PRKCQ: variants seen among roughly 807,000 people sequenced by gnomAD.
PRKCQ encodes the protein protein kinase C theta type.
Under a neutral mutation model 91.2 loss-of-function variants are expected in PRKCQ, and 41 were observed. The observed-to-expected ratio is 0.45, with a 90% CI of 0.35 to 0.58. PRKCQ has a LOEUF of 0.58. Among genes scored for constraint, PRKCQ ranks in the 20% least tolerant of loss-of-function variants. The pLI is 0.00. For missense variants in PRKCQ, 673 were observed against 896.5 expected (o/e 0.75, Z 3.18); for synonymous variants, 307 against 316.9 (o/e 0.97, Z 0.33).
chr10:6,462,979 T>C (rs1324136435), intron 13 of PRKCQ, among the ~76,000 whole-genome samples: 1 of 146,988 alleles, frequency 6.8e-6, no homozygotes, highest in Non-Finnish European at 1.5e-5. Flanking sequence ...CACTCCAGCA[T>C]GGACGACAGA....
chr10:6,450,581 C>T (rs2132288733), intron 15 of PRKCQ, among the ~76,000 whole-genome samples: 1 of 152,292 alleles, frequency 6.6e-6, no homozygotes, highest in South Asian at 2.1e-4. Context: ...CCAAGCAGAC[C>T]TAATAGACAT....
At chr10:6,419,585 G>A in the PRKCQ span, among the ~76,000 whole-genome samples, 2 of 151,898 alleles carry the variant, frequency 1.3e-5, no homozygotes, top group Non-Finnish European at 2.9e-5. Context: ...TGCATTTCTG[G>A]ACAAAGTATT....
At chr10:6,484,130 T>C (rs1325835822) in intron 10 of PRKCQ, among the ~76,000 whole-genome samples, 2 of 152,214 alleles carry the variant, frequency 1.3e-5, no homozygotes, top group Non-Finnish European at 2.9e-5. Context: ...GCTGCCTACG[T>C]TGGCCGGGTA....
At chr10:6,490,017 C>T (rs1373136702) in intron 8 of PRKCQ, among the ~76,000 whole-genome samples, 1 of 151,994 alleles carries the variant, frequency 6.6e-6, no homozygotes, top group African/African-American at 2.4e-5. Flanking sequence ...CTGTGGATAC[C>T]GTCAGGATGC....
At chr10:6,558,499 G>A (rs1245265386) in intron 1 of PRKCQ, among the ~76,000 whole-genome samples, 2 of 152,162 alleles carry the variant, frequency 1.3e-5, no homozygotes. Flanking sequence ...CAGATAAAAT[G>A]CAACCAGAAA....
chr10:6,542,603 G>C (rs1358592460), intron 1 of PRKCQ, among the ~76,000 whole-genome samples: 1 of 152,164 alleles, frequency 6.6e-6, no homozygotes, highest in Non-Finnish European at 1.5e-5. Context: ...TTCTCCCTCG[G>C]GGACAACAGC....
intron 11 of PRKCQ, among the ~76,000 whole-genome samples, chr10:6,482,038 T>C (rs1329515703): frequency 6.7e-6 from 1 of 149,354 alleles, no homozygotes; most frequent in Non-Finnish European, 1.5e-5. Context: ...TTCCTTCCTC[T>C]CCTTGTCATC....
intron 1 of PRKCQ, among the ~76,000 whole-genome samples, chr10:6,559,178 G>A (rs528956134): frequency 3.0e-4 from 46 of 152,204 alleles, no homozygotes; most frequent in African/African-American, 1.0e-3. Flanking sequence ...CTTATACTAC[G>A]CTCACTAGGA....
chr10:6,445,117 CTG>C (rs1564300700), intron 15 of PRKCQ, among the ~76,000 whole-genome samples: 1 of 18,486 alleles, frequency 5.4e-5, no homozygotes, highest in East Asian at 1.8e-3. Context: ...GAGCAAGACT[CTG>C]TCAAAAAAAA....
At chr10:6,456,906 G>A in intron 14 of PRKCQ, 94 bp from the exon 15 acceptor site, 1 of 1,335,720 alleles carries the variant, frequency 7.5e-7, no homozygotes, top group Non-Finnish European at 1.0e-6. Context: ...TCTCATTGCA[G>A]CCTGAGAGGG....
chr10:6,472,469 A>G (rs868828895), intron 12 of PRKCQ, among the ~76,000 whole-genome samples: 7 of 152,346 alleles, frequency 4.6e-5, no homozygotes, highest in Middle Eastern at 3.4e-3. Flanking sequence ...GTAAGGAAAC[A>G]TTGTGAGTGC....
At position 6,433,499 on chromosome 10, in the gene PRKCQ, C is replaced by T. The variant is rs571068901; in HGVS notation, c.1837-2561G>A. The stretch of plus-strand genomic sequence containing the variant: ...GCTGTCTTTCCATTTTGTTTATCTG[C>T]AGATCACGCATCTTCTATCCTCATT... On this transcript the variant is annotated intron_variant, in intron 16 of 17. Transcript: ENST00000263125. 6.6e-5 allele frequency among the ~76,000 whole-genome samples: 10 copies of T among 152,216 alleles called. No individual in the cohort carries two copies. The South Asian group carries it at 1.5e-3, about 22-fold the overall frequency.
At chr10:6,494,601 T>G (rs1301776287) in intron 7 of PRKCQ, among the ~76,000 whole-genome samples, 1 of 152,164 alleles carries the variant, frequency 6.6e-6, no homozygotes, top group Non-Finnish European at 1.5e-5. Flanking sequence ...CCACCTCTTC[T>G]TCTTCTGGTT....
the PRKCQ span, among the ~76,000 whole-genome samples, chr10:6,396,498 T>C: frequency 6.6e-6 from 1 of 152,286 alleles, no homozygotes; most frequent in Admixed American, 6.5e-5. Context: ...ATAGATTTGC[T>C]TCCATTAGAT....
intron 15 of PRKCQ, among the ~76,000 whole-genome samples, chr10:6,448,666 C>A (rs560663235): frequency 3.9e-5 from 6 of 152,252 alleles, no homozygotes; most frequent in Non-Finnish European, 7.4e-5. Flanking sequence ...CTCAGCCTAC[C>A]AAAGTGCTGG....
intron 16 of PRKCQ, among the ~76,000 whole-genome samples, chr10:6,434,202 G>A (rs1019634250): frequency 1.3e-5 from 2 of 151,988 alleles, no homozygotes; most frequent in Non-Finnish European, 2.9e-5. Context: ...CCAAAACCTC[G>A]CTCATGTTGT....
chr10:6,560,988 G>A (rs780319447), intron 1 of PRKCQ, among the ~76,000 whole-genome samples: 16 of 150,126 alleles, frequency 1.1e-4, no homozygotes, highest in African/African-American at 2.5e-4. Flanking sequence ...GCAGTGAGCC[G>A]AGATTGCACC....
chr10:6,553,411 G>T (rs751845844), intron 1 of PRKCQ, among the ~76,000 whole-genome samples: 7 of 150,582 alleles, frequency 4.6e-5, no homozygotes, highest in Non-Finnish European at 7.4e-5. Context: ...GATCACCTGA[G>T]CCCTGGAGGT....
At chr10:6,485,594 TAA>T in intron 9 of PRKCQ, among the ~76,000 whole-genome samples, 1 of 152,140 alleles carries the variant, frequency 6.6e-6, no homozygotes, top group Non-Finnish European at 1.5e-5. Flanking sequence ...TGCCAAGTCT[TAA>T]AGAGGGTTTA....
Sources: allele counts gnomAD v4.1 joint callset (sites outside exome capture counted in the v4.1 genomes callset), GRCh38; gene constraint gnomAD v4.1.1; transcripts MANE v1.5; gene names NCBI Gene and HGNC (gene_info 2026-07-23, HGNC 2026-07-21).